Variants in HMCN1 observed in about 807,000 individuals in gnomAD.
HMCN1 encodes hemicentin 1, also known as hemicentin-1.
In HMCN1, 321 loss-of-function variants were observed where a neutral mutation model predicts 625.9. The ratio of observed to expected loss-of-function variants is 0.51; its 90% CI spans 0.47 to 0.56. The LOEUF (loss-of-function observed/expected upper bound fraction) is 0.56. HMCN1 is among the 20% of genes least tolerant of loss of function. HMCN1 has a pLI of 0.00. For synonymous variants in HMCN1, 2,425 were observed against 2,417.6 expected (o/e 1.00, Z -0.09); for missense variants, 6,588 against 6,887.3 (o/e 0.96, Z 1.54).
chr1:185,982,461 GAGAC>G, intron 18 of HMCN1, 72 bp downstream of exon 18: 15 of 1,303,848 alleles, frequency 1.2e-5, no homozygotes, highest in Middle Eastern at 2.0e-4. Context: ...TTTTTTCTTT[GAGAC>G]AGTTTCATTC....
rs780685435 is a variant in HMCN1 at position 185,984,160 on chromosome 1, T to G, written c.2791-9T>G. ...TTTAAATAAAAATTACCTTTTTTTT[T>G]CCTTTAAGTTGCTCCAAAATCCTTA... is the stretch of plus-strand genomic sequence containing the variant. On this transcript the variant is annotated splice_polypyrimidine_tract_variant and intron_variant, in intron 18 of 106. Coordinates refer to ENST00000271588, the MANE Select transcript of HMCN1 (RefSeq NM_031935.3). The G allele has an allele frequency of 1.9e-6, 3 of 1,609,588 alleles. No individual in the cohort carries two copies. The African/African-American group carries it at 4.0e-5, about 22-fold the overall frequency.
intron 68 of HMCN1, among the ~76,000 whole-genome samples, chr1:186,098,008 T>C (rs1660213231): frequency 6.6e-6 from 1 of 151,992 alleles, no homozygotes; most frequent in African/African-American, 2.4e-5. Flanking sequence ...CATGCAGAAA[T>C]ATGAAACTAG....
chr1:186,102,077 A>G (rs1660407559), intron 68 of HMCN1, among the ~76,000 whole-genome samples: 2 of 152,152 alleles, frequency 1.3e-5, no homozygotes, highest in African/African-American at 4.8e-5. Flanking sequence ...AAATTAAATA[A>G]TGACAAAGAT....
At chr1:185,996,528 C>T (rs779046113) in intron 24 of HMCN1, among the ~76,000 whole-genome samples, 4 of 152,026 alleles carry the variant, frequency 2.6e-5, no homozygotes. Context: ...AAGAAGTTAT[C>T]GTTGGGAAAG....
chr1:185,737,207 T>G (rs1653646000), intron 1 of HMCN1, among the ~76,000 whole-genome samples: 1 of 151,692 alleles, frequency 6.6e-6, no homozygotes, highest in Admixed American at 6.6e-5. Context: ...CAGGCTGGAG[T>G]GCAGTAGCAC....
intron 1 of HMCN1, among the ~76,000 whole-genome samples, chr1:185,796,477 C>A (rs1658383450): frequency 6.6e-6 from 1 of 152,216 alleles, no homozygotes; most frequent in Non-Finnish European, 1.5e-5. Context: ...CTCCCTATGT[C>A]CATGCGTACA....
At chr1:185,981,530 G>A (rs1651635923) in intron 17 of HMCN1, among the ~76,000 whole-genome samples, 1 of 152,078 alleles carries the variant, frequency 6.6e-6, no homozygotes, top group Admixed American at 6.6e-5. Flanking sequence ...TGATCATGTA[G>A]TAAGTTTATG....
intron 11 of HMCN1, among the ~76,000 whole-genome samples, chr1:185,935,358 A>G (rs927720476): frequency 1.3e-5 from 2 of 152,110 alleles, no homozygotes; most frequent in Non-Finnish European, 2.9e-5. Context: ...TTCTGTTTCC[A>G]TAGGTCTAGT....
chr1:186,017,655 T>A (rs1428549138), intron 33 of HMCN1, among the ~76,000 whole-genome samples: 1 of 152,062 alleles, frequency 6.6e-6, no homozygotes, highest in Non-Finnish European at 1.5e-5. Flanking sequence ...AAAAATATAA[T>A]GCTATATGAT....
At chr1:186,041,664 C>T (rs544729015) in intron 40 of HMCN1, among the ~76,000 whole-genome samples, 5 of 152,268 alleles carry the variant, frequency 3.3e-5, no homozygotes, top group South Asian at 4.1e-4. Flanking sequence ...AATGCCCGAT[C>T]CCATCACAGA....
chr1:185,845,485 T>A (rs1178425851), intron 1 of HMCN1, among the ~76,000 whole-genome samples: 3 of 152,176 alleles, frequency 2.0e-5, no homozygotes, highest in African/African-American at 4.8e-5. Context: ...ACTCCCAAAG[T>A]GCTGAGATTA....
chr1:186,184,632 A>G (rs1042599278), intron 105 of HMCN1, among the ~76,000 whole-genome samples: 1 of 151,732 alleles, frequency 6.6e-6, no homozygotes, highest in African/African-American at 2.4e-5. Context: ...GTGTTTTAAA[A>G]ATGCAATGCA....
chr1:185,785,019 T>G (rs868787742), intron 1 of HMCN1, among the ~76,000 whole-genome samples: 1 of 152,250 alleles, frequency 6.6e-6, no homozygotes, highest in Non-Finnish European at 1.5e-5. Flanking sequence ...AACAATTTCT[T>G]TTTAATTACT....
chr1:186,159,957 C>T (rs1337845761), intron 97 of HMCN1, among the ~76,000 whole-genome samples: 1 of 151,634 alleles, frequency 6.6e-6, no homozygotes, highest in Non-Finnish European at 1.5e-5. Context: ...GGGAGGATTC[C>T]CTCTTTTTCT....
intron 6 of HMCN1, 150 bp from the exon 7 acceptor site, chr1:185,922,229 C>T: frequency 1.2e-6 from 1 of 847,108 alleles, no homozygotes; most frequent in South Asian, 1.4e-5. Flanking sequence ...AATATAGAAT[C>T]CTAGTTATGT....
At chr1:186,110,227 T>C (rs1660812914) in intron 71 of HMCN1, among the ~76,000 whole-genome samples, 2 of 152,116 alleles carry the variant, frequency 1.3e-5, no homozygotes, top group Admixed American at 6.5e-5. Flanking sequence ...CATGGTATAA[T>C]CTCTTGTTGA....
chr1:185,953,919 A>G (rs914386219), intron 11 of HMCN1, among the ~76,000 whole-genome samples: 1 of 149,410 alleles, frequency 6.7e-6, no homozygotes, highest in Non-Finnish European at 1.5e-5. Context: ...AGGTAAAGGA[A>G]AATTACAGTC....
intron 1 of HMCN1, among the ~76,000 whole-genome samples, chr1:185,757,437 T>C (rs1342149276): frequency 6.6e-6 from 1 of 152,222 alleles, no homozygotes; most frequent in African/African-American, 2.4e-5. Context: ...TTCAAGACCT[T>C]GCACTTGGCT....
At chr1:185,790,391 T>C (rs1430508823) in intron 1 of HMCN1, among the ~76,000 whole-genome samples, 2 of 152,218 alleles carry the variant, frequency 1.3e-5, no homozygotes, top group Non-Finnish European at 2.9e-5. Context: ...CTACCACTGC[T>C]CTGTTCTTTC....
Sources: allele counts gnomAD v4.1 joint callset (sites outside exome capture counted in the v4.1 genomes callset), GRCh38; gene constraint gnomAD v4.1.1; transcripts MANE v1.5; gene names NCBI Gene and HGNC (gene_info 2026-07-23, HGNC 2026-07-21).